Variants in RANBP17 observed in about 807,000 individuals in gnomAD.
The protein encoded by RANBP17 is ran-binding protein 17.
Under a neutral mutation model 141.2 loss-of-function variants are expected in RANBP17, and 158 were observed. The ratio of observed to expected loss-of-function variants is 1.12; its 90% CI spans 0.98 to 1.28. The LOEUF is 1.28. RANBP17 is among the 50% of genes most tolerant of loss of function. The probability of loss-of-function intolerance (pLI) is 0.00; values close to 1 mark genes in which losing one functional copy is unlikely to be tolerated. For synonymous variants in RANBP17, 430 were observed against 450.0 expected (o/e 0.96, Z 0.56); for missense variants, 1,438 against 1,290.7 (o/e 1.11, Z -1.75).
intron 14 of RANBP17, among the ~76,000 whole-genome samples, chr5:171,169,237 C>T (rs529364109): frequency 5.9e-5 from 9 of 152,128 alleles, no homozygotes; most frequent in African/African-American, 2.2e-4. Context: ...AAGAAATAGG[C>T]AGATTAGGAG....
chr5:170,981,954 A>G (rs1017825803), intron 14 of RANBP17, among the ~76,000 whole-genome samples: 2 of 152,186 alleles, frequency 1.3e-5, no homozygotes, highest in African/African-American at 4.8e-5. Flanking sequence ...TTTAATTAGG[A>G]TTAATTATAT....
chr5:171,053,322 A>G (rs1234787750), intron 14 of RANBP17, among the ~76,000 whole-genome samples: 1 of 152,068 alleles, frequency 6.6e-6, no homozygotes, highest in African/African-American at 2.4e-5. Flanking sequence ...CTGAACATAA[A>G]ATCTAAGAGA....
At chr5:171,132,922 G>A (rs545464128) in intron 14 of RANBP17, among the ~76,000 whole-genome samples, 2 of 151,758 alleles carry the variant, frequency 1.3e-5, no homozygotes, top group Non-Finnish European at 2.9e-5. Flanking sequence ...TTTCGCTCTT[G>A]TTGCCCAGGC....
At chr5:171,062,136 A>T (rs1019308786) in intron 14 of RANBP17, among the ~76,000 whole-genome samples, 7 of 151,478 alleles carry the variant, frequency 4.6e-5, no homozygotes, top group African/African-American at 1.7e-4. Context: ...GTGTCTTTTA[A>T]TTGGAGCATT....
At chr5:171,208,099 GTTCT>G (rs1762682279) in intron 20 of RANBP17, among the ~76,000 whole-genome samples, 3 of 152,154 alleles carry the variant, frequency 2.0e-5, no homozygotes, top group Non-Finnish European at 4.4e-5. Context: ...ATAAATGTGT[GTTCT>G]TTAATTTGTT....
chr5:171,191,694 A>G (rs557363180), intron 18 of RANBP17, among the ~76,000 whole-genome samples: 3 of 152,142 alleles, frequency 2.0e-5, no homozygotes, highest in African/African-American at 7.2e-5. Flanking sequence ...CTCAAAAAAA[A>G]AAAAAGAAAA....
At chr5:170,919,186 A>G (rs1263112811) in intron 10 of RANBP17, among the ~76,000 whole-genome samples, 2 of 152,054 alleles carry the variant, frequency 1.3e-5, no homozygotes, top group Non-Finnish European at 1.5e-5. Flanking sequence ...ACAGGATGTC[A>G]ACTCTGAAAA....
intron 25 of RANBP17, among the ~76,000 whole-genome samples, chr5:171,286,205 G>A (rs1768161438): frequency 6.6e-6 from 1 of 152,216 alleles, no homozygotes; most frequent in Non-Finnish European, 1.5e-5. Flanking sequence ...GAAGCATGCA[G>A]TGCTAATATA....
intron 14 of RANBP17, among the ~76,000 whole-genome samples, chr5:171,098,255 A>G (rs1304008450): frequency 1.4e-5 from 2 of 146,184 alleles, no homozygotes; most frequent in African/African-American, 2.8e-5. Context: ...TCTCACTAAC[A>G]TTATAAAAGC....
chr5:170,863,970 T>C (rs758293317), intron 1 of RANBP17, among the ~76,000 whole-genome samples: 3 of 152,250 alleles, frequency 2.0e-5, no homozygotes, highest in African/African-American at 4.8e-5. Context: ...TTGAATTCTT[T>C]TTAGCATATA....
intron 14 of RANBP17, among the ~76,000 whole-genome samples, chr5:171,161,908 T>C (rs563665289): frequency 6.6e-6 from 1 of 152,204 alleles, no homozygotes; most frequent in Admixed American, 6.5e-5. Context: ...AAACAAAATA[T>C]TTTACTTCCC....
At chr5:171,049,161 A>G (rs955014781) in intron 14 of RANBP17, among the ~76,000 whole-genome samples, 2 of 152,128 alleles carry the variant, frequency 1.3e-5, no homozygotes, top group Admixed American at 6.6e-5. Flanking sequence ...TGACTTTTTA[A>G]TAATAGTTAC....
At chr5:170,979,179 G>A (rs1241084586) in intron 14 of RANBP17, among the ~76,000 whole-genome samples, 1 of 152,112 alleles carries the variant, frequency 6.6e-6, no homozygotes, top group Admixed American at 6.5e-5. Context: ...CAGGATAATG[G>A]TTATCTCTGG....
chr5:171,146,427 TTC>T, intron 14 of RANBP17, among the ~76,000 whole-genome samples: 1 of 152,228 alleles, frequency 6.6e-6, no homozygotes, highest in African/African-American at 2.4e-5. Context: ...TGCACTTTTC[TTC>T]ATTTCACAGA....
rs193265558 is a variant in RANBP17 at position 171,134,357 on chromosome 5, G to A, written c.1711-35773G>A. Among the ~76,000 whole-genome samples the A allele has an allele frequency of 5.9e-5, 9 of 152,260 alleles. 1 individual carries two copies. Among genetic ancestry groups the A allele is most frequent in the Admixed American group, 6.5e-5 (1 of 15,298 alleles). ...AATAAGGATTATCATCTTTCAGAGG[G>A]ATCAAATATCTATCCTGTACTTATG... On this transcript the variant is annotated intron_variant, in intron 14 of 27. Transcript: ENST00000523189.
rs183885074 is a variant in RANBP17, at chr5:171,118,611, C to T, written c.1711-51519C>T. 4.7e-3 allele frequency among the ~76,000 whole-genome samples: 718 copies of T among 152,108 alleles called. 5 individuals carry two copies. Among genetic ancestry groups the T allele is most frequent in the African/African-American group, 0.017 (696 of 41,506 alleles). On this transcript the variant is annotated intron_variant, in intron 14 of 27. Transcript: ENST00000523189. ...AGTTTTCCTTGTAGAGGATTTTCAA[C>T]TCCTTGGTTAAATTTATTTCTTGGT...
chr5:171,226,863 G>T (rs1034939175), intron 22 of RANBP17, among the ~76,000 whole-genome samples: 3 of 152,180 alleles, frequency 2.0e-5, no homozygotes, highest in African/African-American at 7.2e-5. Context: ...TCTTTTTGTT[G>T]TACTTTGCAG....
chr5:171,241,566 A>G (rs1233520678), intron 23 of RANBP17, among the ~76,000 whole-genome samples: 1 of 152,184 alleles, frequency 6.6e-6, no homozygotes, highest in East Asian at 1.9e-4. Context: ...CTGCATCTCA[A>G]GCCAAAGAGA....
intron 14 of RANBP17, among the ~76,000 whole-genome samples, chr5:171,102,745 G>A (rs1286587493): frequency 2.6e-5 from 4 of 151,570 alleles, no homozygotes; most frequent in Non-Finnish European, 5.9e-5. Context: ...GTCTACCTTT[G>A]GTCTTCGATG....
Sources: gnomAD v4.1 joint callset for allele counts (sites outside exome capture counted in the v4.1 genomes callset) on GRCh38, gnomAD v4.1.1 for gene constraint, MANE v1.5 for transcripts, NCBI Gene and HGNC (gene_info 2026-07-23, HGNC 2026-07-21) for gene names.